The following AUTS2 variants were observed in gnomAD, a reference collection of about 807,000 sequenced individuals.
AUTS2 encodes the protein activator of transcription and developmental regulator AUTS2.
In AUTS2, 17 loss-of-function variants were observed where a neutral mutation model predicts 112.4. The observed-to-expected ratio is 0.15, with a 90% CI of 0.10 to 0.23. The LOEUF is 0.23. AUTS2 is among the 10% of genes least tolerant of loss of function. The pLI is 1.00. For missense variants in AUTS2, 1,510 were observed against 1,701.6 expected (o/e 0.89, Z 1.98); for synonymous variants, 751 against 702.7 (o/e 1.07, Z -1.09).
Position 70,734,355 on chromosome 7 carries a change from G to A in AUTS2, c.743-28515G>A, listed in dbSNP as rs546054546. Reference sequence around the variant, plus strand: ...CTCGGGGGGCTGAGGCAGGAGAATGGCATGAACCTGGGAAGTGGAGCTTGC... The same window carrying A: ...CTCGGGGGGCTGAGGCAGGAGAATGACATGAACCTGGGAAGTGGAGCTTGC... On this transcript the variant is annotated intron_variant, in intron 6 of 18. Transcript: ENST00000342771. Among the ~76,000 whole-genome samples the A allele has an allele frequency of 5.9e-5, 9 of 152,120 alleles. No individual in the cohort carries two copies. The South Asian group carries it at 1.9e-3, about 32-fold the overall frequency.
chr7:70,771,464 G>T, intron 10 of AUTS2, 85 bp from the exon 11 acceptor site: 1 of 1,155,126 alleles, frequency 8.7e-7, no homozygotes, highest in Non-Finnish European at 1.3e-6. Flanking sequence ...TGCTCATGTC[G>T]ATGTCTTTCT....
chr7:70,717,271 C>G (rs562850332), intron 6 of AUTS2, among the ~76,000 whole-genome samples: 1 of 152,230 alleles, frequency 6.6e-6, no homozygotes, highest in East Asian at 1.9e-4. Context: ...GTCTGGAACT[C>G]CTGGCCTCAA....
intron 2 of AUTS2, among the ~76,000 whole-genome samples, chr7:69,975,979 A>G (rs773198379): frequency 5.9e-5 from 9 of 152,164 alleles, no homozygotes; most frequent in Admixed American, 1.3e-4. Flanking sequence ...CGCCCAGCTG[A>G]TTTTTAAAAA....
chr7:69,983,972 T>C (rs1489324868), intron 2 of AUTS2, among the ~76,000 whole-genome samples: 2 of 152,228 alleles, frequency 1.3e-5, no homozygotes, highest in Non-Finnish European at 2.9e-5. Context: ...AGTTTCATTT[T>C]ATCTATTGAC....
At chr7:70,695,843 T>C (rs1809062893) in intron 5 of AUTS2, among the ~76,000 whole-genome samples, 2 of 152,176 alleles carry the variant, frequency 1.3e-5, no homozygotes, top group Non-Finnish European at 2.9e-5. Context: ...GCTTTGGTTT[T>C]CTGTCAGTTT....
intron 4 of AUTS2, 84 bp from the exon 5 acceptor site, chr7:70,435,668 T>C: frequency 7.4e-7 from 1 of 1,353,300 alleles, no homozygotes; most frequent in Non-Finnish European, 1.0e-6. Context: ...ACTTTTTTTG[T>C]ATGGGGGTTG....
At chr7:70,503,589 G>T (rs1011272710) in intron 5 of AUTS2, among the ~76,000 whole-genome samples, 1 of 144,848 alleles carries the variant, frequency 6.9e-6, no homozygotes, top group Non-Finnish European at 1.5e-5. Flanking sequence ...CTTGATCATA[G>T]CTCGTTGCAG....
At chr7:69,989,108 C>T (rs1267340361) in intron 2 of AUTS2, among the ~76,000 whole-genome samples, 1 of 152,098 alleles carries the variant, frequency 6.6e-6, no homozygotes, top group Non-Finnish European at 1.5e-5. Flanking sequence ...TGTTCATGGT[C>T]CTGTGGTCCC....
intron 2 of AUTS2, among the ~76,000 whole-genome samples, chr7:69,905,739 A>C (rs1795126774): frequency 6.6e-6 from 1 of 152,178 alleles, no homozygotes; most frequent in Non-Finnish European, 1.5e-5. Flanking sequence ...GTAATGCTGT[A>C]CCAGTTCTCT....
rs574488226 is a variant in AUTS2, at chr7:70,065,981, G to C, written c.523-52151G>C. On this transcript the variant is annotated intron_variant, in intron 2 of 18. Coordinates refer to ENST00000342771, the MANE Select transcript of AUTS2 (RefSeq NM_015570.4). ...CCTCAGCCTCCTTCTCAGGTAGCTG[G>C]TATTGTATGAATTGTGTTTTGAATA... Among the ~76,000 whole-genome samples, 5 of 152,188 alleles carry C rather than the reference G, an allele frequency of 3.3e-5. No individual in the cohort carries two copies. In the South Asian group the frequency reaches 1.0e-3, roughly 32 times the overall value.
At chr7:70,377,336 ATATATATATATATAT>A (rs1793143951) in intron 4 of AUTS2, among the ~76,000 whole-genome samples, 1 of 50,680 alleles carries the variant, frequency 2.0e-5, no homozygotes, top group Non-Finnish European at 4.0e-5. Flanking sequence ...ATATATATAT[ATATATATATATATAT>A]ATATATATAT....
intron 1 of AUTS2, among the ~76,000 whole-genome samples, chr7:69,882,817 A>G (rs1318145869): frequency 6.6e-6 from 1 of 152,190 alleles, no homozygotes; most frequent in Non-Finnish European, 1.5e-5. Context: ...ATTAAACACA[A>G]TCTTGAGGAT....
At position 69,979,258 on chromosome 7, in the gene AUTS2, G is replaced by A. The variant is rs576618330; in HGVS notation, c.522+79760G>A. Among the ~76,000 whole-genome samples, 19 of 152,294 alleles carry A rather than the reference G, an allele frequency of 1.2e-4. No homozygotes were observed. In the South Asian group the frequency reaches 3.9e-3, roughly 32 times the overall value. Reference sequence around the variant, plus strand: ...TTTGATAAACAGTAGAATCCAGACAGGGAAGAACCTTATTTTCTCTGCCTT... The same window carrying A: ...TTTGATAAACAGTAGAATCCAGACAAGGAAGAACCTTATTTTCTCTGCCTT... On this transcript the variant is annotated intron_variant, in intron 2 of 18. Transcript: ENST00000342771.
At chr7:70,232,514 G>A (rs1044722271) in intron 4 of AUTS2, among the ~76,000 whole-genome samples, 1 of 151,458 alleles carries the variant, frequency 6.6e-6, no homozygotes, top group Non-Finnish European at 1.5e-5. Context: ...AATGATTCTC[G>A]AACCTCAGAC....
intron 4 of AUTS2, among the ~76,000 whole-genome samples, chr7:70,214,780 G>A (rs1382623557): frequency 6.6e-6 from 1 of 152,140 alleles, no homozygotes; most frequent in Non-Finnish European, 1.5e-5. Context: ...TATACAAACA[G>A]TAATATTTTC....
chr7:70,022,302 T>C (rs1443428878), intron 2 of AUTS2, among the ~76,000 whole-genome samples: 3 of 151,500 alleles, frequency 2.0e-5, no homozygotes, highest in Non-Finnish European at 2.9e-5. Context: ...CACTGAACTT[T>C]GGTGGGTGTT....
chr7:70,450,372 A>G (rs1796481772), intron 5 of AUTS2, among the ~76,000 whole-genome samples: 1 of 152,186 alleles, frequency 6.6e-6, no homozygotes, highest in African/African-American at 2.4e-5. Flanking sequence ...GGAGGAAGCA[A>G]TTGAGTTAGA....
chr7:70,236,656 T>C (rs184243111), intron 4 of AUTS2, among the ~76,000 whole-genome samples: 4 of 152,314 alleles, frequency 2.6e-5, no homozygotes, highest in Admixed American at 2.0e-4. Context: ...TGAAAATTGT[T>C]TCTTTTTCCA....
At chr7:70,369,736 G>T (rs1256981016) in intron 4 of AUTS2, among the ~76,000 whole-genome samples, 2 of 152,184 alleles carry the variant, frequency 1.3e-5, no homozygotes, top group African/African-American at 4.8e-5. Flanking sequence ...TTGTGACAAG[G>T]TACACTTGGT....
Sources: allele counts gnomAD v4.1 joint callset (sites outside exome capture counted in the v4.1 genomes callset), GRCh38; gene constraint gnomAD v4.1.1; transcripts MANE v1.5; gene names NCBI Gene and HGNC (gene_info 2026-07-23, HGNC 2026-07-21).